NDST4: variants seen among roughly 807,000 people sequenced by gnomAD.
NDST4 encodes N-heparan sulfate sulfotransferase 4.
A neutral mutation model predicts 100.8 loss-of-function variants in NDST4; 63 were observed. The ratio of observed to expected loss-of-function variants is 0.62; its 90% CI spans 0.51 to 0.77. The LOEUF (loss-of-function observed/expected upper bound fraction) is 0.77, where lower values mean the gene tolerates loss of function less well. Among genes scored for constraint, NDST4 ranks in the 30% least tolerant of loss-of-function variants. NDST4 has a pLI of 0.00. For missense variants in NDST4, 943 were observed against 1,018.4 expected (o/e 0.93, Z 1.01); for synonymous variants, 377 against 361.8 (o/e 1.04, Z -0.48).
At chr4:115,111,717 T>A (rs1030419528) in intron 1 of NDST4, among the ~76,000 whole-genome samples, 10 of 151,704 alleles carry the variant, frequency 6.6e-5, no homozygotes, top group Non-Finnish European at 1.2e-4. Context: ...AACTCATATA[T>A]ATTATAACTT....
chr4:115,110,662 G>A (rs886378784), intron 1 of NDST4, among the ~76,000 whole-genome samples: 4 of 151,778 alleles, frequency 2.6e-5, no homozygotes, highest in East Asian at 1.9e-4. Flanking sequence ...GCATCTCATC[G>A]TTATTTCTTT....
intron 4 of NDST4, among the ~76,000 whole-genome samples, chr4:114,947,236 T>A (rs1444869664): frequency 2.0e-5 from 3 of 152,206 alleles, no homozygotes; most frequent in Admixed American, 6.5e-5. Context: ...CAATTTGGAT[T>A]TAACCAGGGT....
intron 4 of NDST4, among the ~76,000 whole-genome samples, chr4:114,943,723 T>G (rs1003996564): frequency 7.2e-5 from 11 of 152,206 alleles, no homozygotes; most frequent in African/African-American, 2.7e-4. Context: ...TGGCTGGATT[T>G]GAATTTTGGC....
At chr4:115,013,898 C>T (rs932031181) in intron 2 of NDST4, among the ~76,000 whole-genome samples, 1 of 151,966 alleles carries the variant, frequency 6.6e-6, no homozygotes, top group Non-Finnish European at 1.5e-5. Flanking sequence ...GTTTCACTAT[C>T]AAGAACATGA....
chr4:115,066,276 T>C (rs1728944315), intron 2 of NDST4, among the ~76,000 whole-genome samples: 1 of 152,208 alleles, frequency 6.6e-6, no homozygotes, highest in African/African-American at 2.4e-5. Flanking sequence ...TGTACTTTTA[T>C]ACAATTTTGG....
chr4:115,011,949 C>T (rs1207437326), intron 2 of NDST4, among the ~76,000 whole-genome samples: 1 of 151,434 alleles, frequency 6.6e-6, no homozygotes, highest in East Asian at 1.9e-4. Context: ...TTAAATTTTA[C>T]AAATAGGATA....
intron 6 of NDST4, among the ~76,000 whole-genome samples, chr4:114,916,088 G>A (rs1280611376): frequency 2.6e-5 from 4 of 152,072 alleles, no homozygotes; most frequent in East Asian, 1.9e-4. Flanking sequence ...ATGGACTATC[G>A]ATATTTATCC....
chr4:114,845,524 T>C (rs1387782019), intron 10 of NDST4, among the ~76,000 whole-genome samples: 1 of 152,242 alleles, frequency 6.6e-6, no homozygotes, highest in Non-Finnish European at 1.5e-5. Flanking sequence ...AAACTGACTT[T>C]TAAATTTGTT....
intron 6 of NDST4, among the ~76,000 whole-genome samples, chr4:114,918,560 TAAA>T (rs10593709): frequency 2.7e-5 from 4 of 149,804 alleles, no homozygotes; most frequent in African/African-American, 9.8e-5. Flanking sequence ...TAAAAATAAA[TAAA>T]AAAAAAATAA....
intron 2 of NDST4, among the ~76,000 whole-genome samples, chr4:115,040,031 GT>G (rs547219001): frequency 6.5e-4 from 98 of 151,712 alleles, no homozygotes; most frequent in African/African-American, 2.3e-3. Flanking sequence ...ACACATACTT[GT>G]TTTTTGATGA....
At chr4:115,103,590 A>C (rs1435354391) in intron 1 of NDST4, among the ~76,000 whole-genome samples, 1 of 152,138 alleles carries the variant, frequency 6.6e-6, no homozygotes, top group African/African-American at 2.4e-5. Flanking sequence ...AGAGTTCTTA[A>C]TTTTACGCAA....
chr4:114,992,707 A>G (rs183979946), intron 2 of NDST4, among the ~76,000 whole-genome samples: 224 of 152,020 alleles, frequency 1.5e-3, no homozygotes, highest in African/African-American at 5.1e-3. Flanking sequence ...AGGTCATTAT[A>G]TGGTATTTCA....
intron 7 of NDST4, among the ~76,000 whole-genome samples, chr4:114,867,665 C>CAAAAAAAAAAAAAAAAAAAAAAAAGA: frequency 3.8e-5 from 3 of 79,900 alleles, no homozygotes; most frequent in East Asian, 4.0e-4. Context: ...AAAAAAAAAG[C>CAAAAAAAAAAAAAAAAAAAAAAAAGA]AAAAAAAAAA....
In NDST4 at chr4:114,964,376, C is replaced by T. The variant is rs564810947; in HGVS notation, c.1221+6054G>A. On this transcript the variant is annotated intron_variant, in intron 4 of 13. Transcript: ENST00000264363. ...AACTGCAGGATCCAGTTATTTCATA[C>T]TCAACTTCCTGACTTCATAAACTGT... Among the ~76,000 whole-genome samples the T allele has an allele frequency of 2.0e-5, 3 of 152,194 alleles. 1 individual carries two copies. In the East Asian group the frequency reaches 5.8e-4, roughly 29 times the overall value.
intron 8 of NDST4, among the ~76,000 whole-genome samples, chr4:114,851,310 G>A (rs919426341): frequency 2.0e-5 from 3 of 151,954 alleles, no homozygotes; most frequent in South Asian, 4.1e-4. Context: ...TACTACAACC[G>A]TTTTTATATT....
chr4:114,923,513 A>G (rs1725328968), intron 6 of NDST4, among the ~76,000 whole-genome samples: 1 of 152,160 alleles, frequency 6.6e-6, no homozygotes, highest in South Asian at 2.1e-4. Context: ...ACAAACCAGA[A>G]AGAACAAACC....
chr4:114,996,579 CCT>C (rs1727169888), intron 2 of NDST4, among the ~76,000 whole-genome samples: 1 of 152,050 alleles, frequency 6.6e-6, no homozygotes, highest in Non-Finnish European at 1.5e-5. Context: ...TCTTAGCTCT[CCT>C]CTCTGTTTCC....
chr4:115,004,954 A>T (rs1015796421), intron 2 of NDST4, among the ~76,000 whole-genome samples: 3 of 152,214 alleles, frequency 2.0e-5, no homozygotes, highest in Non-Finnish European at 4.4e-5. Flanking sequence ...TCATGATAGG[A>T]GAATTTTTCC....
At chr4:115,066,159 A>G (rs952956817) in intron 2 of NDST4, among the ~76,000 whole-genome samples, 3 of 152,204 alleles carry the variant, frequency 2.0e-5, no homozygotes, top group Non-Finnish European at 4.4e-5. Context: ...GAAATCAGGA[A>G]CTGAATACTT....
Sources: allele counts gnomAD v4.1 joint callset (sites outside exome capture counted in the v4.1 genomes callset), GRCh38; gene constraint gnomAD v4.1.1; transcripts MANE v1.5; gene names NCBI Gene and HGNC (gene_info 2026-07-23, HGNC 2026-07-21).